The following MAPK10 variants were observed in gnomAD, a reference collection of about 807,000 sequenced individuals.
MAPK10 encodes JNK3 alpha protein kinase.
Under a neutral mutation model 59.3 loss-of-function variants are expected in MAPK10, and 25 were observed. The ratio of observed to expected loss-of-function variants is 0.42; its 90% confidence interval spans 0.31 to 0.59. MAPK10 has a LOEUF of 0.59. Ranked by LOEUF, MAPK10 falls within the 20% of genes least tolerant of loss-of-function variation. MAPK10 has a pLI of 0.15. For synonymous variants in MAPK10, 190 were observed against 200.5 expected, an observed-to-expected ratio of 0.95 and a Z score of 0.44; for missense variants, 351 against 568.9, an observed-to-expected ratio of 0.62 and a Z score of 3.90.
At chr4:86,394,829 C>T (rs1343466508) in intron 1 of MAPK10, among the ~76,000 whole-genome samples, 1 of 152,176 alleles carries the variant, frequency 6.6e-6, no homozygotes, top group Non-Finnish European at 1.5e-5. Flanking sequence ...ACAATGTTTG[C>T]ACTATGCTCG....
chr4:86,011,263 A>G lies in MAPK10; in HGVS notation c.*5965T>C, dbSNP rs1741414470. Reference sequence around the variant, plus strand: ...ATAGAGTGGCTCCCAACATAAAGTGATCTGTGATGGCAGGACTTTCAGCGT... The same window carrying G: ...ATAGAGTGGCTCCCAACATAAAGTGGTCTGTGATGGCAGGACTTTCAGCGT... On this transcript the variant is annotated 3_prime_UTR_variant, in exon 14 of 14. Coordinates refer to ENST00000641462, the MANE Select transcript of MAPK10 (RefSeq NM_138982.4). 1 of 152,218 alleles carries G rather than the reference A, an allele frequency of 6.6e-6. No individual in the cohort carries two copies. Among genetic ancestry groups the G allele is most frequent in the South Asian group, 2.1e-4 (1 of 4,828 alleles). The allele number at this position is 152,218 out of a possible 1,614,324, so 9.4% of individuals were successfully genotyped here. A position where few individuals can be genotyped will look rare whatever the true frequency, so the allele number is the denominator to read the frequency against.
chr4:86,450,316 G>C (rs1750554577), intron 1 of MAPK10, among the ~76,000 whole-genome samples: 1 of 152,088 alleles, frequency 6.6e-6, no homozygotes, highest in Non-Finnish European at 1.5e-5. Context: ...CTGTCAGTAG[G>C]AAATTCCAGA....
intron 4 of MAPK10, among the ~76,000 whole-genome samples, chr4:86,154,314 A>G (rs2149216168): frequency 6.6e-6 from 1 of 152,262 alleles, no homozygotes; most frequent in Non-Finnish European, 1.5e-5. Context: ...ACTAATGTTT[A>G]CAACTAACAT....
intron 2 of MAPK10, among the ~76,000 whole-genome samples, chr4:86,209,696 C>A (rs996457065): frequency 6.6e-6 from 1 of 151,732 alleles, no homozygotes; most frequent in African/African-American, 2.4e-5. Context: ...ATGTCTATAC[C>A]CTACTCAAAG....
intron 1 of MAPK10, among the ~76,000 whole-genome samples, chr4:86,481,316 A>G (rs573214949): frequency 6.6e-6 from 1 of 152,090 alleles, no homozygotes; most frequent in Non-Finnish European, 1.5e-5. Flanking sequence ...AGGCCTTCTA[A>G]TCTCCTTGAG....
chr4:86,518,406 G>A (rs1756862956), intron 1 of MAPK10, among the ~76,000 whole-genome samples: 1 of 152,164 alleles, frequency 6.6e-6, no homozygotes, highest in African/African-American at 2.4e-5. Context: ...GCACATAAAG[G>A]TGTTCATAGT....
intron 2 of MAPK10, among the ~76,000 whole-genome samples, chr4:86,292,626 A>T (rs1291408308): frequency 6.6e-6 from 1 of 152,228 alleles, no homozygotes; most frequent in African/African-American, 2.4e-5. Flanking sequence ...GAAGGCAGAG[A>T]GAGTATTGTT....
At chr4:86,135,531 A>T (rs944393774) in intron 4 of MAPK10, among the ~76,000 whole-genome samples, 8 of 152,150 alleles carry the variant, frequency 5.3e-5, no homozygotes, top group Non-Finnish European at 1.0e-4. Context: ...CCAAAAACCC[A>T]TCTGTACATC....
At chr4:86,085,055 T>C (rs530518165) in intron 9 of MAPK10, among the ~76,000 whole-genome samples, 8 of 152,214 alleles carry the variant, frequency 5.3e-5, no homozygotes, top group African/African-American at 1.9e-4. Flanking sequence ...TGCAGAAGAA[T>C]AAAACTAGAT....
chr4:86,067,986 A>C, intron 9 of MAPK10, 31 bp from the exon 10 acceptor site: 1 of 1,491,566 alleles, frequency 6.7e-7, no homozygotes, highest in Non-Finnish European at 9.1e-7. Context: ...GGAAAAAAGA[A>C]GAGCAGACCA....
At chr4:86,422,417 C>T (rs771428168) in intron 1 of MAPK10, among the ~76,000 whole-genome samples, 9 of 152,236 alleles carry the variant, frequency 5.9e-5, no homozygotes, top group Non-Finnish European at 1.2e-4. Context: ...TTAGCAGGCA[C>T]AGGTGACAAA....
At chr4:86,049,741 A>G (rs1251700171) in intron 11 of MAPK10, among the ~76,000 whole-genome samples, 1 of 152,106 alleles carries the variant, frequency 6.6e-6, no homozygotes, top group Non-Finnish European at 1.5e-5. Context: ...TCTGAATGTC[A>G]TTCTTTCTTC....
At chr4:86,399,981 T>A (rs754620799) in intron 1 of MAPK10, among the ~76,000 whole-genome samples, 12 of 152,200 alleles carry the variant, frequency 7.9e-5, no homozygotes, top group Non-Finnish European at 1.5e-4. Flanking sequence ...TAAATTGGTA[T>A]GGGAAACCAT....
intron 2 of MAPK10, among the ~76,000 whole-genome samples, chr4:86,227,585 C>T (rs1476126637): frequency 2.6e-5 from 4 of 151,856 alleles, no homozygotes; most frequent in Non-Finnish European, 5.9e-5. Flanking sequence ...CTGTCAGCAA[C>T]GTCAATTACA....
At chr4:86,109,230 T>A (rs1352618750) in intron 4 of MAPK10, among the ~76,000 whole-genome samples, 3 of 152,330 alleles carry the variant, frequency 2.0e-5, no homozygotes, top group Middle Eastern at 3.4e-3. Flanking sequence ...TTTAAAAAAA[T>A]TTATTTTATT....
intron 4 of MAPK10, among the ~76,000 whole-genome samples, chr4:86,158,718 G>A (rs1045259234): frequency 4.6e-5 from 7 of 151,768 alleles, no homozygotes; most frequent in African/African-American, 1.7e-4. Context: ...AGGTAAATCA[G>A]ATCTAGATTT....
At chr4:86,353,135 C>A (rs1183207193) in intron 2 of MAPK10, among the ~76,000 whole-genome samples, 6 of 147,396 alleles carry the variant, frequency 4.1e-5, no homozygotes, top group Admixed American at 1.4e-4. Flanking sequence ...TCTACCACAT[C>A]CGTGGTAGAG....
chr4:86,355,385 T>C (rs1733906773), intron 1 of MAPK10, among the ~76,000 whole-genome samples: 1 of 151,896 alleles, frequency 6.6e-6, no homozygotes, highest in Admixed American at 6.6e-5. Flanking sequence ...TCCCACCACC[T>C]CACCCCAACA....
chr4:86,548,088 A>C (rs1759396137), intron 1 of MAPK10, among the ~76,000 whole-genome samples: 1 of 152,088 alleles, frequency 6.6e-6, no homozygotes, highest in East Asian at 1.9e-4. Flanking sequence ...TTTGCAATAA[A>C]TCTTGCTGCT....
Sources: allele counts gnomAD v4.1 joint callset (sites outside exome capture counted in the v4.1 genomes callset), GRCh38; gene constraint gnomAD v4.1.1; transcripts MANE v1.5; gene names NCBI Gene and HGNC (gene_info 2026-07-23, HGNC 2026-07-21).